Variants in POLRMT observed in about 807,000 individuals in gnomAD.
POLRMT encodes the protein DNA-directed RNA polymerase, mitochondrial.
Under a neutral mutation model 132.2 loss-of-function variants are expected in POLRMT, and 114 were observed. The ratio of observed to expected loss-of-function variants is 0.86; its 90% CI spans 0.74 to 1.01. POLRMT has a LOEUF of 1.01. Among genes scored for constraint, POLRMT ranks in the 50% least tolerant of loss-of-function variants. POLRMT has a pLI of 0.00. For missense variants in POLRMT, 2,003 were observed against 1,729.1 expected, an observed-to-expected ratio of 1.16 and a Z score of -2.81; for synonymous variants, 1,020 against 773.4, an observed-to-expected ratio of 1.32 and a Z score of -5.29.
intron 1 of POLRMT, 187 bp downstream of exon 1, chr19:633,238 G>C (rs1180938337): frequency 2.7e-6 from 2 of 735,512 alleles, no homozygotes; most frequent in East Asian, 3.3e-5. Flanking sequence ...ACGAGTCAAA[G>C]GTCAGACTGC....
intron 3 of POLRMT, 50 bp from the exon 4 acceptor site, chr19:625,304 CAT>C: frequency 1.9e-6 from 3 of 1,607,572 alleles, no homozygotes; most frequent in Non-Finnish European, 2.5e-6. Context: ...CCAACCTCCA[CAT>C]CCTCCCTGCT....
chr19:625,407 C>T, intron 3 of POLRMT, 153 bp from the exon 4 acceptor site: 1 of 991,212 alleles, frequency 1.0e-6, no homozygotes, highest in Non-Finnish European at 1.5e-6. Flanking sequence ...ATGCATCCCC[C>T]TGAGGTTCTG....
Position 625,178 on chromosome 19 carries a change from G to C in POLRMT, c.899C>G (p.Ala300Gly). 1 of 1,613,972 alleles carries C rather than the reference G, an allele frequency of 6.2e-7. No homozygotes were observed. The highest frequency in any genetic ancestry group is 8.5e-7 in the Non-Finnish European group (1 of 1,179,966). Residue 300 changes from alanine to glycine, a missense_variant, in exon 4 of 21, where the codon GCG (alanine) becomes GGG (glycine). Ala to Gly is a moderately conservative substitution (Grantham distance 60). Coordinates refer to ENST00000588649, the MANE Select transcript of POLRMT (RefSeq NM_005035.4). ...AGLTPDLLSY[A>G]AALQCMGRQD... is the part of the protein sequence containing the mutation. Reference sequence around the variant, plus strand: ...CCTCCCCATGCACTGGAGGGCAGCCGCATAGGACAGCAGGTCCGGAGTCAA... The same window carrying C: ...CCTCCCCATGCACTGGAGGGCAGCCCCATAGGACAGCAGGTCCGGAGTCAA...
rs762967035 is a variant in POLRMT at position 619,116 on chromosome 19, G to C, written c.3154-6C>G. On this transcript the variant is annotated splice_region_variant and splice_polypyrimidine_tract_variant and intron_variant, in intron 14 of 20. Transcript: ENST00000588649. The stretch of plus-strand genomic sequence containing the variant: ...GCACTCTCGGTCAGCCAGTGCTGTG[G>C]GACACAGGCCGTCTCAGGGCAGGGG... The C allele has an allele frequency of 5.6e-6, 9 of 1,611,490 alleles. No homozygotes were observed. Among genetic ancestry groups the C allele is most frequent in the Non-Finnish European group, 7.6e-6 (9 of 1,179,072 alleles).
At chr19:617,367 C>G in intron 20 of POLRMT, 44 bp from the exon 21 acceptor site, 3 of 1,612,408 alleles carry the variant, frequency 1.9e-6, no homozygotes, top group Non-Finnish European at 2.5e-6. Context: ...CGGGAAAGCC[C>G]CGCCCTGGCC....
chr19:622,791 G>A (rs767933288), intron 7 of POLRMT, 30 bp downstream of exon 7: 21 of 1,571,332 alleles, frequency 1.3e-5, no homozygotes, highest in East Asian at 4.7e-5. Flanking sequence ...CGCCCCGCCC[G>A]GGGACCCGGC....
chr19:617,690 A>G (rs762169550), intron 18 of POLRMT, 35 bp from the exon 19 acceptor site: 4 of 1,611,650 alleles, frequency 2.5e-6, no homozygotes, highest in Admixed American at 3.3e-5. Flanking sequence ...AGGGGTGATC[A>G]GGCAGGCTCT....
chr19:627,117 C>CACCAGAG (rs1314913078), intron 3 of POLRMT, among the ~76,000 whole-genome samples: 2 of 150,812 alleles, frequency 1.3e-5, no homozygotes, highest in African/African-American at 4.9e-5. Flanking sequence ...GGTGGCCACA[C>CACCAGAG]ACCAGAGACC....
chr19:619,053 C>T lies in POLRMT; in HGVS notation c.3211G>A (p.Val1071Ile). 1 of 1,607,832 alleles carries T rather than the reference C, an allele frequency of 6.2e-7. No homozygotes were observed. The change falls in exon 15 of 21, where the codon GTC becomes ATC. Residue 1071 changes from valine (V) to isoleucine (I), a missense_variant. Coordinates refer to ENST00000588649, the MANE Select transcript of POLRMT (RefSeq NM_005035.4). ...ISHMGSVVEW[V>I]TPLGVPVIQP... ...ATGACGGGGACGCCCAGGGGTGTGA[C>T]CCACTCCACCACAGAGCCCATGTGG...
Position 617,648 on chromosome 19 carries a change from C to G in POLRMT, c.3503G>C (p.Arg1168Pro), listed in dbSNP as rs759104301. The G allele has an allele frequency of 1.2e-6, 2 of 1,612,458 alleles. No homozygotes were observed. Among genetic ancestry groups the G allele is most frequent in the Non-Finnish European group, 8.5e-7 (1 of 1,179,970 alleles). ...GCTGTGCAAGCGGACAAACTGCTCC[C>G]GGCACACCTGGGCAGGAGTCAGAGG... ...ADVSVMNQVC[R>P]EQFVRLHSEP... The change falls in exon 19 of 21, where the codon CGG becomes CCG. Residue 1168 changes from arginine to proline, a missense_variant. Transcript: ENST00000588649.
Position 619,654 on chromosome 19 carries a change from C to G in POLRMT, c.2998G>C (p.Gly1000Arg). The change falls in exon 13 of 21, where the codon GGG (glycine) becomes CGG (arginine). Residue 1000 changes from glycine to arginine, a missense_variant. Transcript: ENST00000588649. Reference sequence around the variant, plus strand: ...AGGCGCCCGCCATAGCGCGTGACCCCGTACACCACCGTCATCACCGTCTGC... The same window carrying G: ...AGGCGCCCGCCATAGCGCGTGACCCGGTACACCACCGTCATCACCGTCTGC... Reference protein sequence around the residue: ...VKQTVMTVVYGVTRYGGRLQI... With the variant: ...VKQTVMTVVYRVTRYGGRLQI... The G allele has an allele frequency of 1.2e-6, 2 of 1,610,750 alleles. No individual in the cohort carries two copies. Among genetic ancestry groups the G allele is most frequent in the Non-Finnish European group, 1.7e-6 (2 of 1,179,620 alleles).
chr19:623,159 C>T (rs1423664525), intron 6 of POLRMT, among the ~76,000 whole-genome samples, 174 bp from the exon 7 acceptor site: 1 of 152,194 alleles, frequency 6.6e-6, no homozygotes, highest in Admixed American at 6.5e-5. Flanking sequence ...GCGTGCCTGA[C>T]GCAGCCAAGA....
chr19:623,384 G>A lies in POLRMT; in HGVS notation c.1290+70C>T, dbSNP rs560551702. ...GCGGCGGACACGGGACCCCGGCTCA[G>A]CCCGTGCGGTGGACACGCGACCCCG... On this transcript the variant is annotated intron_variant, in intron 6 of 20. Transcript: ENST00000588649. The A allele has an allele frequency of 7.9e-3, 12,465 of 1,577,344 alleles. 100 individuals carry two copies. Among genetic ancestry groups the A allele is most frequent in the Non-Finnish European group, 8.6e-3 (9,986 of 1,163,328 alleles).
intron 3 of POLRMT, among the ~76,000 whole-genome samples, chr19:627,657 G>A (rs1270683227): frequency 6.6e-6 from 1 of 151,200 alleles, no homozygotes; most frequent in African/African-American, 2.4e-5. Flanking sequence ...GGGCGCGGTC[G>A]CTCACGCCTG....
intron 8 of POLRMT, 85 bp from the exon 9 acceptor site, chr19:622,458 ATC>A: frequency 6.8e-7 from 1 of 1,462,436 alleles, no homozygotes; most frequent in South Asian, 1.4e-5. Context: ...CCGGTGGGGC[ATC>A]TGTCAGCCCA....
intron 3 of POLRMT, among the ~76,000 whole-genome samples, chr19:626,138 C>T (rs1044562675): frequency 6.6e-6 from 1 of 151,842 alleles, no homozygotes; most frequent in South Asian, 2.1e-4. Flanking sequence ...TAGTTTACTT[C>T]TTCTTTGGAA....
intron 2 of POLRMT, among the ~76,000 whole-genome samples, chr19:630,509 G>A (rs761994267): frequency 3.3e-5 from 5 of 152,056 alleles, no homozygotes; most frequent in East Asian, 1.9e-4. Flanking sequence ...AACTCCCTCC[G>A]TCCACCTCTC....
chr19:626,584 A>C (rs570459921), intron 3 of POLRMT, among the ~76,000 whole-genome samples: 2 of 144,080 alleles, frequency 1.4e-5, no homozygotes, highest in South Asian at 4.8e-4. Context: ...CAGGAGTTTA[A>C]GACCAGCCTG....
Position 624,908 on chromosome 19 carries a change from G to A in POLRMT, c.954-3C>T. 6.2e-7 allele frequency: 1 copy of A among 1,603,570 alleles called. No homozygotes were observed. The highest frequency in any genetic ancestry group is 8.5e-7 in the Non-Finnish European group (1 of 1,173,086). On this transcript the variant is annotated splice_region_variant and splice_polypyrimidine_tract_variant and intron_variant, in intron 4 of 20. Transcript: ENST00000588649. ...CCTGGCTCATCTGTTCCAGACACCTGTGGTGCAGGCGGCCTGCTCGAGGGA... is the reference window on the plus strand; with the variant it reads ...CCTGGCTCATCTGTTCCAGACACCTATGGTGCAGGCGGCCTGCTCGAGGGA...
Sources: allele counts gnomAD v4.1 joint callset (sites outside exome capture counted in the v4.1 genomes callset), GRCh38; gene constraint gnomAD v4.1.1; transcripts MANE v1.5; gene names NCBI Gene and HGNC (gene_info 2026-07-23, HGNC 2026-07-21).